Variants in CENPP observed in about 807,000 individuals in gnomAD.
The protein encoded by CENPP is centromere protein P.
CENPP carries 24 observed loss-of-function variants against 35.6 expected under a neutral mutation model. The observed-to-expected ratio is 0.67, with a 90% CI of 0.49 to 0.95. The LOEUF (loss-of-function observed/expected upper bound fraction) is 0.95, where lower values mean the gene tolerates loss of function less well. Among genes scored for constraint, CENPP ranks in the 40% least tolerant of loss-of-function variants. CENPP has a pLI of 0.00. For synonymous variants in CENPP, 120 were observed against 125.5 expected, an observed-to-expected ratio of 0.96 and a Z score of 0.29; for missense variants, 332 against 345.3, an observed-to-expected ratio of 0.96 and a Z score of 0.31.
rs527915296 is a variant in CENPP at position 92,389,623 on chromosome 9, C to T, written c.564+9764C>T. 8.7e-6 allele frequency: 3 copies of T among 345,116 alleles called. No homozygotes were observed. The Admixed American group carries it at 1.4e-4, about 16-fold the overall frequency. The allele number at this position is 345,116 out of a possible 1,614,324, so 21.4% of individuals were successfully genotyped here. On this transcript the variant is annotated intron_variant, in intron 5 of 7. Transcript: ENST00000375587. ...TATGAACAAGTGAAAAAATGAGAAA[C>T]AAAATAGTCCCATGAAATAAAATAA...
At chr9:92,514,574 T>G in intron 5 of CENPP, 1 of 1,520,102 alleles carries the variant, frequency 6.6e-7, no homozygotes, top group Non-Finnish European at 8.8e-7. Flanking sequence ...CGTGCCCAGC[T>G]GCTAAGAGTC....
chr9:92,442,727 T>C (rs966069060), intron 5 of CENPP, among the ~76,000 whole-genome samples: 4 of 151,632 alleles, frequency 2.6e-5, no homozygotes, highest in African/African-American at 9.7e-5. Flanking sequence ...TGGGTGCCTG[T>C]AGTACCAGCT....
intron 5 of CENPP, among the ~76,000 whole-genome samples, chr9:92,425,582 T>C (rs1843943651): frequency 6.6e-6 from 1 of 152,238 alleles, no homozygotes; most frequent in Non-Finnish European, 1.5e-5. Context: ...TAAGATAAAG[T>C]GAATCCTGGA....
chr9:92,528,511 C>G (rs1290502061), intron 5 of CENPP, among the ~76,000 whole-genome samples: 1 of 151,578 alleles, frequency 6.6e-6, no homozygotes, highest in Admixed American at 6.6e-5. Context: ...ATACTTGAGA[C>G]TGGGAAAAGA....
intron 5 of CENPP, among the ~76,000 whole-genome samples, chr9:92,566,279 G>A (rs1263053394): frequency 1.5e-4 from 22 of 148,638 alleles, no homozygotes; most frequent in African/African-American, 4.7e-4. Context: ...CAGCGTGGGC[G>A]ACAGAGTGAG....
chr9:92,450,201 C>T (rs1052438240), intron 5 of CENPP, among the ~76,000 whole-genome samples: 5 of 151,054 alleles, frequency 3.3e-5, no homozygotes, highest in African/African-American at 7.3e-5. Flanking sequence ...CCCATTAACT[C>T]GTCATTTAGC....
intron 5 of CENPP, among the ~76,000 whole-genome samples, chr9:92,406,630 T>G (rs72752458): frequency 2.6e-5 from 4 of 152,154 alleles, no homozygotes; most frequent in Admixed American, 2.0e-4. Flanking sequence ...GCATTTGAAG[T>G]GCATCTGGCA....
Position 92,379,841 on chromosome 9 carries a change from C to G in CENPP, c.546C>G (p.Arg182=), listed in dbSNP as rs370633429. ...TGGAGTGGTTTGAATATCGTAAGCG[C>G]ACGTTTAAACATCTCAAGGTAAAGT... ...FFVEWFEYRK[R]TFKHLKEKYP... The change falls in exon 5 of 8, where the codon CGC becomes CGG. Residue 182 remains arginine (R), a synonymous_variant. Transcript: ENST00000375587. 4.4e-6 allele frequency: 7 copies of G among 1,608,462 alleles called. No individual in the cohort carries two copies. The highest frequency in any genetic ancestry group is 2.7e-5 in the African/African-American group (2 of 74,782).
At position 92,457,242 on chromosome 9, in the gene CENPP, G is replaced by A. The variant is rs779693811; in HGVS notation, c.564+77383G>A. ...TAGAGTTCAAGTATTCCAAATGTAGGGATTTTTGAATCTTATATTAAATGG... is the reference window on the plus strand; with the variant it reads ...TAGAGTTCAAGTATTCCAAATGTAGAGATTTTTGAATCTTATATTAAATGG... On this transcript the variant is annotated intron_variant, in intron 5 of 7. Transcript: ENST00000375587. 3.1e-6 allele frequency: 5 copies of A among 1,595,068 alleles called. No individual in the cohort carries two copies. In the Admixed American group the frequency reaches 8.5e-5, roughly 27 times the overall value.
At chr9:92,514,687 A>C (rs1847574123) in intron 5 of CENPP, 3 of 1,611,432 alleles carry the variant, frequency 1.9e-6, no homozygotes, top group African/African-American at 2.7e-5. Flanking sequence ...CTGGGTAAGC[A>C]TGGCGTTGAT....
intron 5 of CENPP, among the ~76,000 whole-genome samples, chr9:92,386,593 C>T (rs1159860187): frequency 6.6e-6 from 1 of 151,984 alleles, no homozygotes; most frequent in South Asian, 2.1e-4. Context: ...ACTTCTGGTA[C>T]TCTTTGTGTT....
At chr9:92,420,212 G>A (rs1345782624) in intron 5 of CENPP, among the ~76,000 whole-genome samples, 1 of 152,112 alleles carries the variant, frequency 6.6e-6, no homozygotes, top group Non-Finnish European at 1.5e-5. Flanking sequence ...AACTCCAGCT[G>A]CAATAATTCT....
intron 5 of CENPP, among the ~76,000 whole-genome samples, chr9:92,582,683 T>C (rs1327260907): frequency 6.6e-6 from 1 of 151,286 alleles, no homozygotes; most frequent in Non-Finnish European, 1.5e-5. Context: ...CACTATGTAA[T>C]GGAATAGAAA....
At chr9:92,396,531 T>C (rs1842897573) in intron 5 of CENPP, among the ~76,000 whole-genome samples, 1 of 150,762 alleles carries the variant, frequency 6.6e-6, no homozygotes, top group South Asian at 2.1e-4. Flanking sequence ...CTTAGCAGCG[T>C]TATTTAGATT....
rs926181631 is a variant in CENPP at position 92,417,481 on chromosome 9, C to T, written c.564+37622C>T. The stretch of plus-strand genomic sequence containing the variant: ...GCTCTTGGTCATAGTCTTCATCCCA[C>T]TGATAAGTTTCATATTGGCAATGTA... On this transcript the variant is annotated intron_variant, in intron 5 of 7. Transcript: ENST00000375587. The T allele has an allele frequency of 2.5e-6, 4 of 1,613,670 alleles. No individual in the cohort carries two copies. The African/African-American group carries it at 5.3e-5, about 22-fold the overall frequency.
At chr9:92,587,953 C>T (rs566718260) in intron 5 of CENPP, among the ~76,000 whole-genome samples, 5 of 152,024 alleles carry the variant, frequency 3.3e-5, no homozygotes, top group South Asian at 2.1e-4. Flanking sequence ...TGGCGAAACC[C>T]GTCTCTACTA....
rs139156017 is a variant in CENPP at position 92,433,806 on chromosome 9, C to G, written c.564+53947C>G. On this transcript the variant is annotated intron_variant, in intron 5 of 7. Coordinates refer to ENST00000375587, the MANE Select transcript of CENPP (RefSeq NM_001012267.3). ...AAGTAGCTGGGTACAGTGGTGCTTGCCTGTAATCCCAGCTACTTGGGAGGC... is the reference window on the plus strand; with the variant it reads ...AAGTAGCTGGGTACAGTGGTGCTTGGCTGTAATCCCAGCTACTTGGGAGGC... Among the ~76,000 whole-genome samples, 251 of 152,138 alleles carry G rather than the reference C, an allele frequency of 1.6e-3. 1 individual carries two copies. Among genetic ancestry groups the G allele is most frequent in the African/African-American group, 5.8e-3 (239 of 41,524 alleles).
rs1851548423 is a variant in CENPP at position 92,619,330 on chromosome 9, T to C, written c.*6181T>C. 2 of 615,958 alleles carry C rather than the reference T, an allele frequency of 3.2e-6. No homozygotes were observed. Among genetic ancestry groups the C allele is most frequent in the Non-Finnish European group, 5.9e-6 (2 of 340,406 alleles). The allele number at this position is 615,958 out of a possible 1,614,324, so 38.2% of individuals were successfully genotyped here. On this transcript the variant is annotated 3_prime_UTR_variant, in exon 8 of 8. Transcript: ENST00000375587. ...TTACAAGCTTCTAGAGGGCGAGAGT[T>C]AGTAAGCCCCATGATGTCACATAGG...
At chr9:92,435,741 G>A (rs1193578108) in intron 5 of CENPP, among the ~76,000 whole-genome samples, 1 of 152,126 alleles carries the variant, frequency 6.6e-6, no homozygotes, top group Non-Finnish European at 1.5e-5. Context: ...ATGTATCACT[G>A]GTTTATTCCT....
Sources: gnomAD v4.1 joint callset for allele counts (sites outside exome capture counted in the v4.1 genomes callset) on GRCh38, gnomAD v4.1.1 for gene constraint, MANE v1.5 for transcripts, NCBI Gene and HGNC (gene_info 2026-07-23, HGNC 2026-07-21) for gene names.